COG5: variants seen among roughly 807,000 people sequenced by gnomAD.
The protein encoded by COG5 is component of oligomeric golgi complex 5.
Under a neutral mutation model 110.4 loss-of-function variants are expected in COG5, and 86 were observed. The ratio of observed to expected loss-of-function variants is 0.78; its 90% CI spans 0.65 to 0.93. The LOEUF (loss-of-function observed/expected upper bound fraction) is 0.93, where lower values mean the gene tolerates loss of function less well. Among genes scored for constraint, COG5 ranks in the 40% least tolerant of loss-of-function variants. COG5 has a pLI of 0.00. For synonymous variants in COG5, 360 were observed against 334.6 expected (o/e 1.08, Z -0.83); for missense variants, 1,077 against 987.0 (o/e 1.09, Z -1.22).
intron 11 of COG5, among the ~76,000 whole-genome samples, chr7:107,319,108 T>C (rs1416091011): frequency 1.3e-5 from 2 of 152,082 alleles, no homozygotes; most frequent in South Asian, 2.1e-4. Context: ...TTTTTTTTTT[T>C]TTCTTCTCAG....
rs550659358 is a variant in COG5, at chr7:107,359,693, A to C, written c.1026+2340T>G. 4.5e-4 allele frequency among the ~76,000 whole-genome samples: 69 copies of C among 152,328 alleles called. 1 individual carries two copies. Among genetic ancestry groups the C allele is most frequent in the African/African-American group, 1.6e-3 (68 of 41,584 alleles). ...TAAAAACCCCTGACTCAGCCAGACG[A>C]CAGGACTATCTGCCTGTGGACAGGA... On this transcript the variant is annotated intron_variant, in intron 10 of 21. Coordinates refer to ENST00000297135, the MANE Select transcript of COG5 (RefSeq NM_006348.5).
At chr7:107,547,729 T>C (rs907407764) in intron 5 of COG5, among the ~76,000 whole-genome samples, 2 of 151,730 alleles carry the variant, frequency 1.3e-5, no homozygotes, top group African/African-American at 2.4e-5. Flanking sequence ...TTCTATACAC[T>C]AACAATGAAC....
Position 107,203,645 on chromosome 7 carries a change from G to T in COG5, c.2376-15C>A. 2 of 1,485,810 alleles carry T rather than the reference G, an allele frequency of 1.3e-6. No homozygotes were observed. The highest frequency in any genetic ancestry group is 1.9e-6 in the Non-Finnish European group (2 of 1,063,350). The allele number at this position is 1,485,810 out of a possible 1,614,324, so 92.0% of individuals were successfully genotyped here. ...CCAGGGCTCCCCTGAAAACCAAAAT[G>T]AAAACAATGTCAAAATATTAGATAA... is the stretch of plus-strand genomic sequence containing the variant. On this transcript the variant is annotated splice_polypyrimidine_tract_variant and intron_variant, in intron 21 of 21. Transcript: ENST00000297135.
Position 107,385,988 on chromosome 7 carries a change from T to TTG in COG5, c.670-13230_670-13229dup, listed in dbSNP as rs59992824. The stretch of plus-strand genomic sequence containing the variant: ...CTTTTGCCCAGCTTTAAACCAGGTT[T>TTG]TGTGTGTGTGTGTGTGTGTGTGTGT... On this transcript the variant is annotated intron_variant, in intron 7 of 21. Transcript: ENST00000297135. Among the ~76,000 whole-genome samples, 1,028 of 144,810 alleles carry TTG rather than the reference T, an allele frequency of 7.1e-3. 13 individuals are homozygous for TTG. The highest frequency in any genetic ancestry group is 0.021 in the African/African-American group (808 of 39,014).
At chr7:107,398,958 T>C (rs1791223096) in intron 7 of COG5, among the ~76,000 whole-genome samples, 1 of 152,128 alleles carries the variant, frequency 6.6e-6, no homozygotes, top group Non-Finnish European at 1.5e-5. Flanking sequence ...TCCCAGCACT[T>C]TGGGAGGCCG....
chr7:107,497,160 T>C (rs1021745735), intron 6 of COG5, among the ~76,000 whole-genome samples: 6 of 152,108 alleles, frequency 3.9e-5, no homozygotes, highest in Non-Finnish European at 8.8e-5. Flanking sequence ...CAATGAGATA[T>C]GTCTGCGCCA....
At chr7:107,426,386 G>GT (rs777792856) in intron 6 of COG5, among the ~76,000 whole-genome samples, 1 of 152,150 alleles carries the variant, frequency 6.6e-6, no homozygotes, top group Non-Finnish European at 1.5e-5. Context: ...CGCAAATGGT[G>GT]TTTGTCTTAG....
At chr7:107,500,293 ACT>A (rs1013238299) in intron 6 of COG5, among the ~76,000 whole-genome samples, 5 of 152,158 alleles carry the variant, frequency 3.3e-5, no homozygotes, top group African/African-American at 9.7e-5. Context: ...TCAAGAAGCG[ACT>A]CTGGATAAAC....
intron 21 of COG5, among the ~76,000 whole-genome samples, chr7:107,207,158 A>G (rs1303098890): frequency 2.0e-5 from 3 of 152,216 alleles, no homozygotes; most frequent in Non-Finnish European, 2.9e-5. Context: ...TGACTTAAAG[A>G]TACACTACAT....
intron 14 of COG5, among the ~76,000 whole-genome samples, chr7:107,264,556 G>A (rs145156025): frequency 1.3e-5 from 2 of 152,114 alleles, no homozygotes; most frequent in Admixed American, 6.5e-5. Context: ...GCCAGGTGTG[G>A]TGGTACGCGC....
intron 8 of COG5, among the ~76,000 whole-genome samples, chr7:107,364,196 C>A (rs982568206): frequency 6.6e-6 from 1 of 152,118 alleles, no homozygotes; most frequent in Non-Finnish European, 1.5e-5. Flanking sequence ...AGTATGTTTA[C>A]CCTGAAGCTA....
intron 10 of COG5, among the ~76,000 whole-genome samples, chr7:107,354,321 A>ATTCT (rs1361147573): frequency 3.3e-5 from 5 of 152,234 alleles, no homozygotes; most frequent in Non-Finnish European, 7.3e-5. Flanking sequence ...ACATGGCAAG[A>ATTCT]TTCTTTACTA....
chr7:107,480,693 G>T (rs961272933), intron 6 of COG5: 3 of 151,942 alleles, frequency 2.0e-5, no homozygotes, highest in African/African-American at 7.3e-5. Context: ...TTGACAGGCT[G>T]CACATACTAG....
In COG5 at chr7:107,249,507, C is replaced by T. The variant is rs113654124; in HGVS notation, c.1750-1008G>A. ...AAAATAATGACTGAGGCTCAAAACA[C>T]GTAAAATCAAAAATGTAAATATATT... is the stretch of plus-strand genomic sequence containing the variant. On this transcript the variant is annotated intron_variant, in intron 16 of 21. Coordinates refer to ENST00000297135, the MANE Select transcript of COG5 (RefSeq NM_006348.5). Among the ~76,000 whole-genome samples, 19 of 151,598 alleles carry T rather than the reference C, an allele frequency of 1.3e-4. 3 individuals are homozygous for T. The highest frequency in any genetic ancestry group is 6.8e-3 in the Middle Eastern group (2 of 294).
chr7:107,283,486 A>G, intron 13 of COG5, 85 bp downstream of exon 13: 2 of 1,207,382 alleles, frequency 1.7e-6, no homozygotes, highest in Non-Finnish European at 2.4e-6. Flanking sequence ...TAATTTGAAA[A>G]TAAATTAAAA....
intron 14 of COG5, among the ~76,000 whole-genome samples, chr7:107,261,354 C>T (rs1458731767): frequency 1.3e-5 from 2 of 151,962 alleles, no homozygotes; most frequent in Non-Finnish European, 1.5e-5. Context: ...CAGGAACGTG[C>T]ATAATTTGTT....
rs1018148934 is a variant in COG5, at chr7:107,210,577, G to A, written c.2324C>T (p.Ser775Phe). The A allele has an allele frequency of 1.2e-6, 2 of 1,605,032 alleles. No individual in the cohort carries two copies. Among genetic ancestry groups the A allele is most frequent in the African/African-American group, 1.3e-5 (1 of 74,896 alleles). ...AGATGGATGGTCATCCAGCCACTGA[G>A]AGAAGCGTGTGTGGGACCACTCTGC... ...QRAEWSHTRF[S>F]QWLDDHPSEK... Residue 775 changes from serine (S) to phenylalanine (F), a missense_variant, in exon 21 of 22, where the codon TCT becomes TTT. Physicochemically the swap from Ser to Phe is radical, Grantham distance 155. Coordinates refer to ENST00000297135, the MANE Select transcript of COG5 (RefSeq NM_006348.5).
intron 18 of COG5, 129 bp downstream of exon 18, chr7:107,236,318 TTTA>T (rs1801187483): frequency 1.4e-6 from 1 of 712,206 alleles, no homozygotes; most frequent in African/African-American, 1.8e-5. Flanking sequence ...TTTTTAACTA[TTTA>T]TGCTTAAGTG....
chr7:107,379,745 T>G (rs1451943757), intron 7 of COG5, among the ~76,000 whole-genome samples: 1 of 151,984 alleles, frequency 6.6e-6, no homozygotes, highest in African/African-American at 2.4e-5. Flanking sequence ...CCCAAGTATA[T>G]ATGCACCCAG....
Sources: allele counts gnomAD v4.1 joint callset (sites outside exome capture counted in the v4.1 genomes callset), GRCh38; gene constraint gnomAD v4.1.1; transcripts MANE v1.5; gene names NCBI Gene and HGNC (gene_info 2026-07-23, HGNC 2026-07-21).